PCDHGA3: variants seen among roughly 807,000 people sequenced by gnomAD.
PCDHGA3 encodes protocadherin gamma-A3.
A neutral mutation model predicts 58.5 loss-of-function variants in PCDHGA3; 40 were observed. That is an observed-to-expected ratio of 0.68 (90% CI 0.53 to 0.89). PCDHGA3 has a LOEUF of 0.89. Ranked by LOEUF, PCDHGA3 falls within the 40% of genes least tolerant of loss-of-function variation. PCDHGA3 has a pLI of 0.00. For synonymous variants in PCDHGA3, 530 were observed against 525.7 expected (o/e 1.01, Z -0.11); for missense variants, 1,223 against 1,195.9 (o/e 1.02, Z -0.33).
intron 1 of PCDHGA3, chr5:141,357,489 G>A: frequency 6.2e-7 from 1 of 1,614,212 alleles, no homozygotes. Flanking sequence ...CCGCGGACTC[G>A]CGGAAGAGTC....
In PCDHGA3 at chr5:141,490,658, T is replaced by A. The variant is rs776806248; in HGVS notation, c.2425-4149T>A. The A allele has an allele frequency of 8.1e-6, 13 of 1,614,204 alleles. No homozygotes were observed. The South Asian group carries it at 1.4e-4, about 18-fold the overall frequency. ...GAAAACCGGCCTCCGGGCTCCCTTC[T>A]TTGCACTGTGGCTGCCTCAGATCCA... On this transcript the variant is annotated intron_variant, in intron 1 of 3. Transcript: ENST00000253812. The surrounding 1 kb of genome is among the most constrained non-coding windows in gnomAD (Gnocchi z 5.4).
intron 1 of PCDHGA3, chr5:141,383,556 C>G: frequency 6.2e-7 from 1 of 1,612,766 alleles, no homozygotes; most frequent in Non-Finnish European, 8.5e-7. Flanking sequence ...ATGGCGGCGA[C>G]CCGCCCCGAT....
chr5:141,360,334 C>T (rs1424290202), intron 1 of PCDHGA3: 1 of 1,613,888 alleles, frequency 6.2e-7, no homozygotes, highest in Non-Finnish European at 8.5e-7. Context: ...CCGGAAGCTG[C>T]GGGTTAGCGC....
chr5:141,383,204 G>A lies in PCDHGA3; in HGVS notation c.2424+36747G>A, dbSNP rs372087170. 3 of 1,613,922 alleles carry A rather than the reference G, an allele frequency of 1.9e-6. No individual in the cohort carries two copies. In the African/African-American group the frequency reaches 4.0e-5, roughly 22 times the overall value. On this transcript the variant is annotated intron_variant, in intron 1 of 3. Coordinates refer to ENST00000253812, the MANE Select transcript of PCDHGA3 (RefSeq NM_018916.4). ...GAGATCTGCGCTCAGAGTGCGCGGTGTCTGGTAAACTTTAACATCCTGATG... is the reference window on the plus strand; with the variant it reads ...GAGATCTGCGCTCAGAGTGCGCGGTATCTGGTAAACTTTAACATCCTGATG...
At chr5:141,475,762 G>A (rs4151701) in intron 1 of PCDHGA3, among the ~76,000 whole-genome samples, 9,255 of 152,346 alleles carry the variant, frequency 0.061, 562 homozygotes, top group African/African-American at 0.16. Context: ...CACCGATACT[G>A]GCAAGGCGCT....
chr5:141,394,012 A>C lies in PCDHGA3; in HGVS notation c.2424+47555A>C, dbSNP rs756847755. ...TTTAAATTAGAAAAGTCAATAGGTA[A>C]TTATTATAGATTAGTGACAAGGAAA... On this transcript the variant is annotated intron_variant, in intron 1 of 3. Coordinates refer to ENST00000253812, the MANE Select transcript of PCDHGA3 (RefSeq NM_018916.4). The C allele has an allele frequency of 2.6e-5, 42 of 1,613,288 alleles. No individual in the cohort carries two copies. Among genetic ancestry groups the C allele is most frequent in the Non-Finnish European group, 3.4e-5 (40 of 1,179,552 alleles).
chr5:141,505,270 G>A (rs550800630), intron 2 of PCDHGA3, 123 bp from the exon 3 acceptor site: 103 of 1,520,724 alleles, frequency 6.8e-5, no homozygotes, highest in Middle Eastern at 4.6e-4. Context: ...CTTGCTGAGA[G>A]AAACAGGTCT....
chr5:141,421,227 C>T (rs1387397967), intron 1 of PCDHGA3: 1 of 1,587,020 alleles, frequency 6.3e-7, no homozygotes, highest in Non-Finnish European at 8.6e-7. Context: ...TAGAGCCTGC[C>T]ATGGCGAATC....
In PCDHGA3 at chr5:141,344,127, C is replaced by T. The variant is rs780910092; in HGVS notation, c.94C>T (p.Arg32Cys). 6 of 1,613,904 alleles carry T rather than the reference C, an allele frequency of 3.7e-6. No homozygotes were observed. The highest frequency in any genetic ancestry group is 4.5e-5 in the East Asian group (2 of 44,896). The change falls in exon 1 of 4, where the codon CGC becomes TGC. Residue 32 changes from arginine (R) to cysteine (C), a missense_variant. Coordinates refer to ENST00000253812, the MANE Select transcript of PCDHGA3 (RefSeq NM_018916.4). ...TLCETGSGQI[R>C]YSVSEELDKG... is the part of the protein sequence containing the mutation. ...GTGCGAAACAGGATCCGGTCAGATCCGCTACTCGGTGTCTGAGGAGCTAGA... is the reference window on the plus strand; with the variant it reads ...GTGCGAAACAGGATCCGGTCAGATCTGCTACTCGGTGTCTGAGGAGCTAGA...
chr5:141,423,546 G>A, intron 1 of PCDHGA3: 1 of 1,613,708 alleles, frequency 6.2e-7, no homozygotes, highest in Non-Finnish European at 8.5e-7. Flanking sequence ...TTTTCCCCCA[G>A]CCCAACTATG....
chr5:141,429,861 A>C (rs1483953460), intron 1 of PCDHGA3, among the ~76,000 whole-genome samples: 1 of 152,226 alleles, frequency 6.6e-6, no homozygotes, highest in Non-Finnish European at 1.5e-5. Flanking sequence ...TCTTTGGACT[A>C]CCAATTTTCT....
chr5:141,483,946 T>C (rs374723616), intron 1 of PCDHGA3, among the ~76,000 whole-genome samples: 127 of 148,696 alleles, frequency 8.5e-4, no homozygotes, highest in Non-Finnish European at 1.5e-3. Flanking sequence ...ACGGTGTGAA[T>C]TGTGTTGTGT....
intron 1 of PCDHGA3, among the ~76,000 whole-genome samples, chr5:141,468,281 C>T (rs568875291): frequency 6.8e-6 from 1 of 147,354 alleles, no homozygotes; most frequent in African/African-American, 2.5e-5. Flanking sequence ...GCCGAGACCA[C>T]GCCATTGCAC....
intron 1 of PCDHGA3, chr5:141,409,128 T>C (rs755394129): frequency 6.2e-6 from 10 of 1,613,976 alleles, no homozygotes; most frequent in South Asian, 1.1e-5. Flanking sequence ...TCATTTGATT[T>C]TGAAGATGTA....
chr5:141,410,489 G>A, intron 1 of PCDHGA3: 3 of 1,613,972 alleles, frequency 1.9e-6, no homozygotes, highest in Non-Finnish European at 1.7e-6. Context: ...GGGTACAAAA[G>A]AGTTTAATTT....
Position 141,490,965 on chromosome 5 carries a change from C to G in PCDHGA3, c.2425-3842C>G. On this transcript the variant is annotated intron_variant, in intron 1 of 3. Coordinates refer to ENST00000253812, the MANE Select transcript of PCDHGA3 (RefSeq NM_018916.4). This position sits in a 1 kb window ranked among gnomAD's most constrained non-coding sequence, Gnocchi z 5.4. ...CACGGCCAGACTGGGAACACTCAGC[C>G]CCCCAGCGTCTCCCTCGCTCTGCTC... is the stretch of plus-strand genomic sequence containing the variant. 5 of 1,613,856 alleles carry G rather than the reference C, an allele frequency of 3.1e-6. No homozygotes were observed. The highest frequency in any genetic ancestry group is 3.3e-4 in the Middle Eastern group (2 of 6,062).
intron 1 of PCDHGA3, chr5:141,350,990 T>C (rs1193201622): frequency 1.2e-6 from 2 of 1,614,052 alleles, no homozygotes; most frequent in Admixed American, 1.7e-5. Context: ...CCAGGAGGTA[T>C]ACAGGGTTAG....
At position 141,508,909 on chromosome 5, in the gene PCDHGA3, G is replaced by A. The variant is rs545345992; in HGVS notation, c.2573-2038G>A. ...GAGGGGAGGGGGCGGGGCGGTGGCG[G>A]ATCTGGCTTCCTTTTGGAGTTAATT... is the stretch of plus-strand genomic sequence containing the variant. On this transcript the variant is annotated intron_variant, in intron 3 of 3. Coordinates refer to ENST00000253812, the MANE Select transcript of PCDHGA3 (RefSeq NM_018916.4). 2.0e-5 allele frequency among the ~76,000 whole-genome samples: 3 copies of A among 152,202 alleles called. No homozygotes were observed. The South Asian group carries it at 6.2e-4, about 32-fold the overall frequency.
intron 1 of PCDHGA3, chr5:141,478,647 T>G (rs2099469515): frequency 6.4e-7 from 1 of 1,552,152 alleles, no homozygotes; most frequent in Non-Finnish European, 8.7e-7. Flanking sequence ...GAAGATGTTT[T>G]CCTGGTGATG....
Sources: gnomAD v4.1 joint callset for allele counts (sites outside exome capture counted in the v4.1 genomes callset) on GRCh38, gnomAD v4.1.1 for gene constraint, Gnocchi (gnomAD v3.1) non-coding constraint, MANE v1.5 for transcripts, NCBI Gene and HGNC (gene_info 2026-07-23, HGNC 2026-07-21) for gene names.